MYOZ3: variants seen among roughly 807,000 people sequenced by gnomAD.
The protein encoded by MYOZ3 is myozenin 3.
MYOZ3 carries 19 observed loss-of-function variants against 26.5 expected under a neutral mutation model. The observed-to-expected ratio is 0.72, with a 90% CI of 0.50 to 1.05. MYOZ3 has a LOEUF of 1.05. MYOZ3 is among the 50% of genes least tolerant of loss of function. MYOZ3 has a pLI of 0.00. For missense variants in MYOZ3, 322 were observed against 337.1 expected, an observed-to-expected ratio of 0.96 and a Z score of 0.35; for synonymous variants, 135 against 138.8, an observed-to-expected ratio of 0.97 and a Z score of 0.19.
Position 150,678,337 on chromosome 5 carries a change from T to C in MYOZ3, c.*1462T>C, listed in dbSNP as rs908217943. ...TCGAGTGCCTCAGTGCTTGGGCTGG[T>C]AGTAGTTTCTCTACATATCTTATTT... is the stretch of plus-strand genomic sequence containing the variant. On this transcript the variant is annotated 3_prime_UTR_variant, in exon 7 of 7. Coordinates refer to ENST00000517768, the MANE Select transcript of MYOZ3 (RefSeq NM_001122853.3). 3.9e-5 allele frequency: 6 copies of C among 152,236 alleles called. No individual in the cohort carries two copies. The highest frequency in any genetic ancestry group is 2.1e-4 in the South Asian group (1 of 4,836). The allele number at this position is 152,236 out of a possible 1,614,324, so 9.4% of individuals were successfully genotyped here.
At chr5:150,674,013 G>C (rs1354850052) in intron 6 of MYOZ3, among the ~76,000 whole-genome samples, 1 of 152,196 alleles carries the variant, frequency 6.6e-6, no homozygotes, top group East Asian at 1.9e-4. Flanking sequence ...TATGAGGAAG[G>C]GCTGAAGGAA....
intron 2 of MYOZ3, among the ~76,000 whole-genome samples, chr5:150,663,576 T>C (rs1157394969): frequency 6.6e-6 from 1 of 152,238 alleles, no homozygotes; most frequent in Non-Finnish European, 1.5e-5. Flanking sequence ...TAAATCATTT[T>C]TATCATTTCA....
intron 3 of MYOZ3, 170 bp from the exon 4 acceptor site, chr5:150,671,427 C>T: frequency 1.5e-6 from 1 of 662,190 alleles, no homozygotes; most frequent in Non-Finnish European, 2.6e-6. Flanking sequence ...GAGTATTTCT[C>T]GGTCCCAGGC....
intron 6 of MYOZ3, among the ~76,000 whole-genome samples, chr5:150,675,520 C>A (rs1328328945): frequency 6.6e-6 from 1 of 152,026 alleles, no homozygotes; most frequent in Non-Finnish European, 1.5e-5. Flanking sequence ...TTACAGTCAC[C>A]CACCACCATG....
chr5:150,676,682 C>T, intron 6 of MYOZ3, 25 bp from the exon 7 acceptor site: 1 of 1,608,878 alleles, frequency 6.2e-7, no homozygotes, highest in South Asian at 1.1e-5. Flanking sequence ...CACAGCCCAC[C>T]TCTCCTGCTG....
chr5:150,664,756 G>C (rs1224031386), intron 2 of MYOZ3, among the ~76,000 whole-genome samples: 1 of 151,976 alleles, frequency 6.6e-6, no homozygotes. Context: ...CTTCAGAGCT[G>C]TTTCTTTATT....
At chr5:150,669,580 C>T (rs978715168) in intron 2 of MYOZ3, among the ~76,000 whole-genome samples, 12 of 129,356 alleles carry the variant, frequency 9.3e-5, no homozygotes, top group Non-Finnish European at 1.6e-4. Flanking sequence ...TGGTATTTTT[C>T]TCTTTTTTGT....
intron 2 of MYOZ3, 66 bp from the exon 3 acceptor site, chr5:150,670,418 G>C: frequency 2.1e-6 from 3 of 1,447,708 alleles, no homozygotes; most frequent in South Asian, 1.5e-5. Flanking sequence ...GCCATGCTTC[G>C]AGAGGTGGGG....
intron 2 of MYOZ3, among the ~76,000 whole-genome samples, chr5:150,669,633 CTTTTTTTTTTTTTTTTTT>C (rs532402882): frequency 1.7e-4 from 8 of 47,750 alleles, no homozygotes; most frequent in Admixed American, 8.5e-4. Flanking sequence ...CCCATATATG[CTTTTTTTTTTTTTTTTTT>C]TTTTTTTTTT....
chr5:150,667,287 C>T (rs1758825372), intron 2 of MYOZ3, among the ~76,000 whole-genome samples: 1 of 152,172 alleles, frequency 6.6e-6, no homozygotes, highest in African/African-American at 2.4e-5. Context: ...AACCCCTCTT[C>T]TCAAACCTCC....
At position 150,666,630 on chromosome 5, in the gene MYOZ3, A is replaced by ATATAT. The variant is rs759319162; in HGVS notation, c.61+3628_61+3629insTATAT. Among the ~76,000 whole-genome samples, 98 of 123,024 alleles carry ATATAT rather than the reference A, an allele frequency of 8.0e-4. No homozygotes were observed. The East Asian group carries it at 0.012, about 16-fold the overall frequency. 80.7% of individuals were successfully genotyped at this position (123,024 alleles called of 152,430 possible). A position where few individuals can be genotyped will look rare whatever the true frequency, so the allele number is the denominator to read the frequency against. Reference sequence around the variant, plus strand: ...CTCTGTCTCAAAAAAAAAAAAAAAAAATATATATATATATATATACACACA... The same window carrying ATATAT: ...CTCTGTCTCAAAAAAAAAAAAAAAAATATATATATATATATATATATATACACACA... On this transcript the variant is annotated intron_variant, in intron 2 of 6. Transcript: ENST00000517768.
At position 150,672,468 on chromosome 5, in the gene MYOZ3, A is replaced by T; in HGVS notation, c.553A>T (p.Thr185Ser). The T allele has an allele frequency of 6.3e-7, 1 of 1,595,964 alleles. No individual in the cohort carries two copies. The highest frequency in any genetic ancestry group is 8.6e-7 in the Non-Finnish European group (1 of 1,169,230). The change falls in exon 6 of 7, where the codon ACC becomes TCC. Residue 185 changes from threonine (T) to serine (S), a missense_variant. By Grantham distance (58) the Thr-to-Ser change is moderately conservative (BLOSUM62 1). Transcript: ENST00000517768. ...RDYQSDGRSH[T>S]PSPNDYRNFN... is the part of the protein sequence containing the mutation. The stretch of plus-strand genomic sequence containing the variant: ...CTACCAGAGCGATGGCCGAAGTCAC[A>T]CCCCCAGCCCCAACGACTACCGAAA...
intron 2 of MYOZ3, 122 bp downstream of exon 2, chr5:150,663,124 T>C (rs1758760987): frequency 2.6e-6 from 2 of 755,362 alleles, no homozygotes; most frequent in Admixed American, 3.4e-5. Flanking sequence ...AGGCCAGCTC[T>C]GAGGGAGTGC....
intron 2 of MYOZ3, among the ~76,000 whole-genome samples, chr5:150,665,024 T>C (rs1390263163): frequency 2.0e-5 from 3 of 151,932 alleles, no homozygotes; most frequent in Non-Finnish European, 2.9e-5. Context: ...TTGGCTTTTT[T>C]TTTTTTTCAT....
At chr5:150,674,534 G>A (rs1234032162) in intron 6 of MYOZ3, among the ~76,000 whole-genome samples, 1 of 152,214 alleles carries the variant, frequency 6.6e-6, no homozygotes, top group Non-Finnish European at 1.5e-5. Context: ...GCCTGTTCCT[G>A]TGAGGCCTGG....
intron 2 of MYOZ3, among the ~76,000 whole-genome samples, chr5:150,668,495 C>T (rs1012075584): frequency 2.0e-4 from 30 of 152,212 alleles, no homozygotes; most frequent in Admixed American, 3.3e-4. Flanking sequence ...CACCGCCTCA[C>T]TGTAAATGTT....
chr5:150,666,222 T>A (rs1758806931), intron 2 of MYOZ3, among the ~76,000 whole-genome samples: 1 of 152,150 alleles, frequency 6.6e-6, no homozygotes, highest in South Asian at 2.1e-4. Context: ...ACCCTCCTCC[T>A]TTATATGTCC....
At chr5:150,675,797 C>T (rs115078250) in intron 6 of MYOZ3, among the ~76,000 whole-genome samples, 111 of 152,320 alleles carry the variant, frequency 7.3e-4, no homozygotes, top group Middle Eastern at 3.4e-3. Context: ...CCAGTGCCTA[C>T]GCGCCTGTGC....
At chr5:150,675,898 G>A (rs538796750) in intron 6 of MYOZ3, among the ~76,000 whole-genome samples, 7 of 152,278 alleles carry the variant, frequency 4.6e-5, no homozygotes, top group East Asian at 3.9e-4. Flanking sequence ...TGTCTTCTGC[G>A]GTAGCAGCAC....
Sources: allele counts gnomAD v4.1 joint callset (sites outside exome capture counted in the v4.1 genomes callset), GRCh38; gene constraint gnomAD v4.1.1; transcripts MANE v1.5; gene names NCBI Gene and HGNC (gene_info 2026-07-23, HGNC 2026-07-21).